Variants in AFF1 observed in about 807,000 individuals in gnomAD.
The protein encoded by AFF1 is ALF transcription elongation factor 1, also known as AF4/FMR2 family member 1.
A neutral mutation model predicts 121.7 loss-of-function variants in AFF1; 48 were observed. The observed-to-expected ratio is 0.39, with a 90% CI of 0.31 to 0.50. The LOEUF is 0.50. AFF1 is among the 20% of genes least tolerant of loss of function. AFF1 has a pLI of 0.76. For synonymous variants in AFF1, 613 were observed against 563.0 expected (o/e 1.09, Z -1.26); for missense variants, 1,523 against 1,511.7 (o/e 1.01, Z -0.12).
chr4:87,064,689 G>A lies in AFF1; in HGVS notation c.1059+17095G>A, dbSNP rs181638483. On this transcript the variant is annotated intron_variant, in intron 4 of 20. Transcript: ENST00000395146. ...AGGTCAGGAATTCGAGACCAGCCTGGGCAACAGGGTGAAACCCTGTCTCTA... is the reference window on the plus strand; with the variant it reads ...AGGTCAGGAATTCGAGACCAGCCTGAGCAACAGGGTGAAACCCTGTCTCTA... Among the ~76,000 whole-genome samples the A allele has an allele frequency of 4.8e-4, 73 of 152,216 alleles. 3 individuals carry two copies. The highest frequency in any genetic ancestry group is 1.7e-3 in the African/African-American group (71 of 41,538).
chr4:86,949,768 G>A, intron 2 of AFF1: 3 of 1,612,644 alleles, frequency 1.9e-6, no homozygotes, highest in South Asian at 1.1e-5. Flanking sequence ...TCATCTGGGT[G>A]AAGCCCACCA....
At chr4:87,078,822 T>C (rs1722912548) in intron 4 of AFF1, among the ~76,000 whole-genome samples, 1 of 152,184 alleles carries the variant, frequency 6.6e-6, no homozygotes, top group Non-Finnish European at 1.5e-5. Context: ...AGATAACCTA[T>C]TGGGATTTTT....
intron 1 of AFF1, among the ~76,000 whole-genome samples, chr4:86,944,168 T>C (rs1203039568): frequency 6.8e-6 from 1 of 147,744 alleles, no homozygotes; most frequent in Non-Finnish European, 1.5e-5. Flanking sequence ...AAAAAAGTCT[T>C]CCCTAGTGTG....
Position 87,115,193 on chromosome 4 carries a change from G to A in AFF1, c.2360G>A (p.Gly787Glu). 3 of 1,614,170 alleles carry A rather than the reference G, an allele frequency of 1.9e-6. No homozygotes were observed. Among genetic ancestry groups the A allele is most frequent in the Non-Finnish European group, 2.5e-6 (3 of 1,180,048 alleles). ...LSRIPQPPGK[G>E]SRQRKAEDKQ... ...CGGATACCCCAGCCTCCCGGGAAGG[G>A]GAGCCGCCAGAGGAAAGCAGAAGAT... The change falls in exon 12 of 21, where the codon GGG becomes GAG. Residue 787 changes from glycine to glutamate, a missense_variant. Gly to Glu is a moderately conservative substitution (Grantham distance 98). Transcript: ENST00000395146.
chr4:86,983,921 C>T (rs1387680888), intron 2 of AFF1, among the ~76,000 whole-genome samples: 1 of 149,684 alleles, frequency 6.7e-6, no homozygotes, highest in Non-Finnish European at 1.5e-5. Flanking sequence ...CCTATAGTCC[C>T]AGCTACTCGG....
intron 4 of AFF1, among the ~76,000 whole-genome samples, chr4:87,059,626 C>T (rs112641532): frequency 0.015 from 2,257 of 152,286 alleles, 28 homozygotes; most frequent in Admixed American, 0.026. Flanking sequence ...AGTACCTCTC[C>T]ATCACCTTCA....
chr4:87,095,198 A>C (rs753753604), intron 8 of AFF1, among the ~76,000 whole-genome samples: 1 of 152,166 alleles, frequency 6.6e-6, no homozygotes, highest in Non-Finnish European at 1.5e-5. Context: ...GGCTCACTGC[A>C]ATCTCTGCCT....
At chr4:87,115,887 G>T (rs986993007) in intron 12 of AFF1, among the ~76,000 whole-genome samples, 1 of 152,022 alleles carries the variant, frequency 6.6e-6, no homozygotes, top group Non-Finnish European at 1.5e-5. Context: ...AAAGTGATGG[G>T]ATTACAGGCC....
intron 11 of AFF1, among the ~76,000 whole-genome samples, chr4:87,110,714 A>T (rs1041543774): frequency 3.3e-5 from 5 of 150,028 alleles, no homozygotes; most frequent in Non-Finnish European, 6.0e-5. Context: ...GTGCATAATA[A>T]TAAGCTCAAA....
chr4:87,078,534 C>T (rs1004356514), intron 4 of AFF1, among the ~76,000 whole-genome samples: 1 of 152,146 alleles, frequency 6.6e-6, no homozygotes, highest in East Asian at 1.9e-4. Context: ...GCAAGAGAAC[C>T]TGGACAGTTT....
intron 4 of AFF1, among the ~76,000 whole-genome samples, chr4:87,078,079 C>G (rs1461829571): frequency 6.6e-6 from 1 of 152,138 alleles, no homozygotes; most frequent in Admixed American, 6.5e-5. Context: ...ATCCTCCTAC[C>G]AATCATGGGA....
In AFF1 at chr4:87,139,076, A is replaced by T. The variant is rs1578338488; in HGVS notation, c.*3375A>T. 4.4e-6 allele frequency: 1 copy of T among 227,068 alleles called. No individual in the cohort carries two copies. The highest frequency in any genetic ancestry group is 6.4e-5 in the East Asian group (1 of 15,706). 14.1% of individuals were successfully genotyped at this position (227,068 alleles called of 1,614,324 possible). ...CAGTAATTTTTAGAAGCAAGAAGAA[A>T]GCCATTGTGTCCTCTACAATTAACA... On this transcript the variant is annotated 3_prime_UTR_variant, in exon 21 of 21. Transcript: ENST00000395146.
At chr4:87,016,014 C>G (rs1288817660) in intron 2 of AFF1, among the ~76,000 whole-genome samples, 1 of 152,182 alleles carries the variant, frequency 6.6e-6, no homozygotes, top group African/African-American at 2.4e-5. Context: ...AACCTCGTCT[C>G]TACTAAAAAT....
intron 2 of AFF1, among the ~76,000 whole-genome samples, chr4:87,022,580 A>ATATATATATCTATCTATCTATATC (rs1399457511): frequency 2.2e-5 from 2 of 89,354 alleles, no homozygotes; most frequent in African/African-American, 1.1e-4. Context: ...ATATATATAT[A>ATATATATATCTATCTATCTATATC]TATCTATCTA....
At chr4:87,006,901 GC>G in intron 2 of AFF1, 1 of 964,248 alleles carries the variant, frequency 1.0e-6, no homozygotes, top group African/African-American at 1.7e-5. Context: ...CGAGCGCCCT[GC>G]CCATTTAAGT....
intron 11 of AFF1, among the ~76,000 whole-genome samples, chr4:87,113,064 A>G (rs1442227597): frequency 6.6e-6 from 1 of 152,226 alleles, no homozygotes; most frequent in Non-Finnish European, 1.5e-5. Flanking sequence ...TCATTCTTTT[A>G]ATAAGGTCTA....
At chr4:86,996,051 G>C (rs1725155683) in intron 2 of AFF1, among the ~76,000 whole-genome samples, 3 of 151,518 alleles carry the variant, frequency 2.0e-5, no homozygotes, top group Admixed American at 2.0e-4. Context: ...ACCCCGTCTG[G>C]GAAGTGAGGA....
intron 2 of AFF1, among the ~76,000 whole-genome samples, chr4:86,957,616 C>T (rs920642153): frequency 6.6e-6 from 1 of 152,110 alleles, no homozygotes; most frequent in African/African-American, 2.4e-5. Flanking sequence ...GATCTCCGCT[C>T]ACTGCAACCT....
intron 2 of AFF1, among the ~76,000 whole-genome samples, chr4:86,998,126 A>AAAAAC (rs1725381921): frequency 9.0e-5 from 12 of 132,772 alleles, no homozygotes; most frequent in African/African-American, 3.4e-4. Context: ...AAAAAAAAAA[A>AAAAAC]ACAAGAAAAC....
Sources: allele counts gnomAD v4.1 joint callset (sites outside exome capture counted in the v4.1 genomes callset), GRCh38; gene constraint gnomAD v4.1.1; transcripts MANE v1.5; gene names NCBI Gene and HGNC (gene_info 2026-07-23, HGNC 2026-07-21).